KRT18: variants seen among roughly 807,000 people sequenced by gnomAD.
The protein encoded by KRT18 is keratin 18, also known as keratin, type I cytoskeletal 18.
Under a neutral mutation model 39.9 loss-of-function variants are expected in KRT18, and 8 were observed. That is an observed-to-expected ratio of 0.20 (90% confidence interval 0.12 to 0.36). The LOEUF (loss-of-function observed/expected upper bound fraction) is 0.36, where lower values mean the gene tolerates loss of function less well. Ranked by LOEUF, KRT18 falls within the 10% of genes least tolerant of loss-of-function variation. KRT18 has a pLI of 1.00. For missense variants in KRT18, 396 were observed against 565.7 expected, an observed-to-expected ratio of 0.70 and a Z score of 3.04; for synonymous variants, 194 against 227.8, an observed-to-expected ratio of 0.85 and a Z score of 1.33.
Position 52,952,755 on chromosome 12 carries a change from G to A in KRT18, c.1206G>A (p.Met402Ile). Residue 402 changes from methionine to isoleucine, a missense_variant, in exon 7 of 7, where the codon ATG becomes ATA. Coordinates refer to ENST00000388835, the MANE Select transcript of KRT18 (RefSeq NM_000224.3). Reference protein sequence around the residue: ...LGDALDSSNSMQTIQKTTTRR... With the variant: ...LGDALDSSNSIQTIQKTTTRR... ...ATGCCTTGGACAGCAGCAACTCCAT[G>A]CAAACCATCCAAAAGACCACCACCC... is the stretch of plus-strand genomic sequence containing the variant. 1 of 1,613,144 alleles carries A rather than the reference G, an allele frequency of 6.2e-7. No individual in the cohort carries two copies. Among genetic ancestry groups the A allele is most frequent in the Non-Finnish European group, 8.5e-7 (1 of 1,179,936 alleles).
At chr12:52,950,093 C>T in intron 1 of KRT18, 1 of 644,266 alleles carries the variant, frequency 1.6e-6, no homozygotes, top group Non-Finnish European at 2.8e-6. Flanking sequence ...GCAGGCCAGC[C>T]AGCTAGCCAG....
rs745911935 is a variant in KRT18 at position 52,950,333 on chromosome 12, C to T, written c.423C>T (p.Phe141=). ...KIIEDLRAQI[F]ANTVDNARIV... is the part of the protein sequence containing the mutation. The stretch of plus-strand genomic sequence containing the variant: ...TCTCTCTACAATCCCTCCAGATCTT[C>T]GCAAATACTGTGGACAATGCCCGCA... The change falls in exon 2 of 7, where the codon TTC becomes TTT. Residue 141 remains phenylalanine, a synonymous_variant. Transcript: ENST00000388835. The T allele has an allele frequency of 4.3e-6, 7 of 1,611,176 alleles. No individual in the cohort carries two copies. Among genetic ancestry groups the T allele is most frequent in the African/African-American group, 1.3e-5 (1 of 74,866 alleles).
upstream of KRT18, chr12:52,949,111 C>A (rs891320036): frequency 4.1e-5 from 56 of 1,361,902 alleles, no homozygotes; most frequent in Admixed American, 1.6e-4. Flanking sequence ...TCGCGCGGCT[C>A]GCGCAGGCCG....
At chr12:52,948,943 G>C (rs1235981657), upstream of KRT18, 1 of 437,162 alleles carries the variant, frequency 2.3e-6, no homozygotes, top group African/African-American at 2.1e-5. Flanking sequence ...TGGGGGGTGA[G>C]CGGGGCTTGG....
intron 5 of KRT18, 92 bp from the exon 6 acceptor site, chr12:52,952,027 T>C: frequency 1.5e-6 from 2 of 1,298,550 alleles, no homozygotes; most frequent in Admixed American, 1.9e-5. Flanking sequence ...ACTTGGCACA[T>C]AGCAGGTGCC....
chr12:52,951,041 A>T (rs1942477569), intron 3 of KRT18, 135 bp downstream of exon 3: 1 of 832,882 alleles, frequency 1.2e-6, no homozygotes. Flanking sequence ...CTTCTTAAAT[A>T]AGACCGTTCT....
At chr12:52,952,021 G>T in intron 5 of KRT18, 98 bp from the exon 6 acceptor site, 1 of 1,295,318 alleles carries the variant, frequency 7.7e-7, no homozygotes, top group Non-Finnish European at 1.1e-6. Flanking sequence ...CCCAGTACTT[G>T]GCACATAGCA....
intron 2 of KRT18, 84 bp from the exon 3 acceptor site, chr12:52,950,666 C>G (rs1240407856): frequency 6.9e-7 from 1 of 1,452,172 alleles, no homozygotes; most frequent in Non-Finnish European, 9.5e-7. Flanking sequence ...GCAATGGGCA[C>G]AGAACTTCTC....
At position 52,949,247 on chromosome 12, in the gene KRT18, G is replaced by A. The variant is rs1942417465; in HGVS notation, c.74G>A (p.Gly25Asp). The change falls in exon 1 of 7, where the codon GGC (glycine) becomes GAC (aspartate). Residue 25 changes from glycine to aspartate, a missense_variant. Gly to Asp is a moderately conservative substitution (Grantham distance 94, BLOSUM62 -1). Transcript: ENST00000388835. ...SLGSVQAPSY[G>D]ARPVSSAASV... ...GGCTCTGTCCAGGCGCCCAGCTACG[G>A]CGCCCGGCCGGTCAGCAGCGCGGCC... 1.2e-6 allele frequency: 2 copies of A among 1,611,368 alleles called. No homozygotes were observed. The highest frequency in any genetic ancestry group is 8.5e-7 in the Non-Finnish European group (1 of 1,179,870).
upstream of KRT18, chr12:52,949,013 C>A (rs555437485): frequency 2.0e-5 from 12 of 612,498 alleles, no homozygotes; most frequent in Admixed American, 2.4e-4. Context: ...GGGCGGAGGG[C>A]GCGGGCTCCG....
intron 6 of KRT18, 156 bp downstream of exon 6, chr12:52,952,498 C>G: frequency 1.3e-6 from 1 of 750,468 alleles, no homozygotes; most frequent in South Asian, 1.5e-5. Flanking sequence ...AAGGGAGTAA[C>G]AGTTACAGAG....
chr12:52,952,386 C>G, intron 6 of KRT18, 44 bp downstream of exon 6: 1 of 1,315,008 alleles, frequency 7.6e-7, no homozygotes, highest in Non-Finnish European at 1.1e-6. Context: ...ATCAGGAGAT[C>G]ACTTCTCCCC....
At chr12:52,952,671 C>T in intron 6 of KRT18, 51 bp from the exon 7 acceptor site, 1 of 1,608,054 alleles carries the variant, frequency 6.2e-7, no homozygotes. Context: ...TTCTTGTCTC[C>T]CTTCTACTCC....
In KRT18 at chr12:52,950,419, G is replaced by C. The variant is rs780289440; in HGVS notation, c.500+9G>C. ...GATGACTTTAGAGTCAAGTAAGTTTGGGGGCTAGAGAGCTGGGGGTCCAGG... is the reference window on the plus strand; with the variant it reads ...GATGACTTTAGAGTCAAGTAAGTTTCGGGGCTAGAGAGCTGGGGGTCCAGG... On this transcript the variant is annotated intron_variant, in intron 2 of 6. Coordinates refer to ENST00000388835, the MANE Select transcript of KRT18 (RefSeq NM_000224.3). 4 of 1,591,504 alleles carry C rather than the reference G, an allele frequency of 2.5e-6. No homozygotes were observed. The South Asian group carries it at 4.4e-5, about 18-fold the overall frequency.
In KRT18 at chr12:52,952,280, G is replaced by A. The variant is rs767157107; in HGVS notation, c.1110G>A (p.Lys370=). Residue 370 remains lysine (K), a synonymous_variant, in exon 6 of 7, where the codon AAG becomes AAA. Transcript: ENST00000388835. ...AQEYEALLNI[K]VKLEAEIATY... is the part of the protein sequence containing the mutation. ...AGTATGAGGCCCTGCTGAACATCAA[G>A]GTCAAGCTGGAGGCTGAGATCGCCA... 1.2e-5 allele frequency: 20 copies of A among 1,608,924 alleles called. No individual in the cohort carries two copies. The highest frequency in any genetic ancestry group is 1.7e-5 in the Admixed American group (1 of 59,176).
chr12:52,951,029 C>T, intron 3 of KRT18, 123 bp downstream of exon 3: 3 of 931,920 alleles, frequency 3.2e-6, no homozygotes, highest in South Asian at 1.7e-5. Context: ...GCAGCCTGGG[C>T]TCTTCTTAAA....
Position 52,952,711 on chromosome 12 carries a change from T to G in KRT18, c.1173-11T>G, listed in dbSNP as rs183324595. 1,014 of 1,611,378 alleles carry G rather than the reference T, an allele frequency of 6.3e-4. 7 individuals are homozygous for G. In the African/African-American group the frequency reaches 0.012, roughly 20 times the overall value. The stretch of plus-strand genomic sequence containing the variant: ...GGCTGTTTATAACTTGGGCTTGGTC[T>G]TCTGTTACAGTCTTGGTGATGCCTT... On this transcript the variant is annotated splice_polypyrimidine_tract_variant and intron_variant, in intron 6 of 6. Coordinates refer to ENST00000388835, the MANE Select transcript of KRT18 (RefSeq NM_000224.3).
At chr12:52,952,446 C>T (rs1441657475) in intron 6 of KRT18, 104 bp downstream of exon 6, 2 of 866,446 alleles carry the variant, frequency 2.3e-6, no homozygotes, top group Non-Finnish European at 3.8e-6. Context: ...CTGGTATCCA[C>T]TGAGCACTGG....
At chr12:52,950,651 G>C (rs1942467143) in intron 2 of KRT18, 99 bp from the exon 3 acceptor site, 2 of 1,297,734 alleles carry the variant, frequency 1.5e-6, no homozygotes, top group Admixed American at 2.0e-5. Flanking sequence ...TCAAGTTGCT[G>C]GTTTGCAATG....
Sources: gnomAD v4.1 joint callset for allele counts on GRCh38, gnomAD v4.1.1 for gene constraint, MANE v1.5 for transcripts, NCBI Gene and HGNC (gene_info 2026-07-23, HGNC 2026-07-21) for gene names.